The following CLVS1 variants were observed in gnomAD, a reference collection of about 807,000 sequenced individuals.
CLVS1 encodes clavesin-1.
In CLVS1, 10 loss-of-function variants were observed where a neutral mutation model predicts 33.1. The observed-to-expected ratio is 0.30, with a 90% CI of 0.19 to 0.51. CLVS1 has a LOEUF of 0.51. CLVS1 is among the 20% of genes least tolerant of loss of function. The pLI is 0.97. For synonymous variants in CLVS1, 163 were observed against 166.1 expected, an observed-to-expected ratio of 0.98 and a Z score of 0.14; for missense variants, 343 against 433.4, an observed-to-expected ratio of 0.79 and a Z score of 1.85.
At chr8:61,095,549 A>G (rs968264027) in intron 1 of CLVS1, among the ~76,000 whole-genome samples, 2 of 152,140 alleles carry the variant, frequency 1.3e-5, no homozygotes, top group Non-Finnish European at 2.9e-5. Flanking sequence ...TTCTTGGCCA[A>G]CCCCAGGTAG....
the CLVS1 span, among the ~76,000 whole-genome samples, chr8:61,032,399 T>A: frequency 1.3e-5 from 2 of 152,250 alleles, no homozygotes; most frequent in African/African-American, 4.8e-5. Context: ...CACTTCGCTA[T>A]GGTTTTGCTG....
rs955422739 is a variant in CLVS1 at position 61,445,607 on chromosome 8, CT to C, written c.631-8526del. Among the ~76,000 whole-genome samples, 116 of 152,096 alleles carry C rather than the reference CT, an allele frequency of 7.6e-4. 1 individual carries two copies. The highest frequency in any genetic ancestry group is 2.5e-3 in the African/African-American group (105 of 41,492). On this transcript the variant is annotated intron_variant, in intron 3 of 5. Transcript: ENST00000325897. ...CAGAACCATCAGCCAAATAAACCTCCTTTTTTTTATAATTTGTTTGATCTCA... is the reference window on the plus strand; with the variant it reads ...CAGAACCATCAGCCAAATAAACCTCCTTTTTTTATAATTTGTTTGATCTCA...
At chr8:61,462,479 C>T (rs142485675) in intron 5 of CLVS1, among the ~76,000 whole-genome samples, 6 of 152,156 alleles carry the variant, frequency 3.9e-5, no homozygotes, top group East Asian at 1.9e-4. Flanking sequence ...CTGCCTCCCA[C>T]GTTCAAGCAA....
At chr8:61,032,364 G>C in the CLVS1 span, among the ~76,000 whole-genome samples, 9 of 152,222 alleles carry the variant, frequency 5.9e-5, no homozygotes, top group Non-Finnish European at 1.3e-4. Flanking sequence ...CTACAAGGCA[G>C]AGAATGGACA....
intron 2 of CLVS1, among the ~76,000 whole-genome samples, chr8:61,366,393 C>T (rs1813210592): frequency 1.3e-5 from 2 of 152,206 alleles, no homozygotes; most frequent in Non-Finnish European, 2.9e-5. Flanking sequence ...ACTACATTAA[C>T]CTTATGTGAA....
At chr8:60,999,019 A>G in the CLVS1 span, among the ~76,000 whole-genome samples, 2 of 152,128 alleles carry the variant, frequency 1.3e-5, no homozygotes, top group African/African-American at 4.8e-5. Context: ...CAGTCCTGCC[A>G]TTGAGGGCCA....
chr8:61,399,171 G>A (rs761931960), intron 3 of CLVS1, among the ~76,000 whole-genome samples: 3 of 152,186 alleles, frequency 2.0e-5, no homozygotes, highest in Non-Finnish European at 4.4e-5. Context: ...CCCACTAACA[G>A]TGTAAAAGTG....
At chr8:61,015,001 G>A in the CLVS1 span, among the ~76,000 whole-genome samples, 1 of 152,224 alleles carries the variant, frequency 6.6e-6, no homozygotes. Context: ...AAGGCCAATG[G>A]CCACAATGAC....
chr8:61,306,529 T>A (rs1237184818), intron 2 of CLVS1, among the ~76,000 whole-genome samples: 2 of 152,236 alleles, frequency 1.3e-5, no homozygotes, highest in Non-Finnish European at 2.9e-5. Context: ...GTATACCACA[T>A]TGTCTTTACC....
At chr8:61,200,670 C>G (rs1807708968) in intron 2 of CLVS1, among the ~76,000 whole-genome samples, 1 of 152,110 alleles carries the variant, frequency 6.6e-6, no homozygotes, top group Admixed American at 6.5e-5. Context: ...CCTTATTGCC[C>G]TTCAGAAAGA....
chr8:61,076,737 G>A (rs931049544), intron 1 of CLVS1, among the ~76,000 whole-genome samples: 2 of 152,148 alleles, frequency 1.3e-5, no homozygotes, highest in African/African-American at 4.8e-5. Context: ...TGTTTGGGTG[G>A]CTATTTGTCA....
At chr8:61,036,397 G>A in the CLVS1 span, among the ~76,000 whole-genome samples, 5 of 152,208 alleles carry the variant, frequency 3.3e-5, no homozygotes, top group South Asian at 8.3e-4. Context: ...AGGTGGGGCA[G>A]CAACCTGGGA....
chr8:61,175,758 G>A (rs990637597), intron 2 of CLVS1, among the ~76,000 whole-genome samples: 1 of 152,160 alleles, frequency 6.6e-6, no homozygotes, highest in African/African-American at 2.4e-5. Flanking sequence ...GACCCTAAGA[G>A]GGAACATGGC....
the CLVS1 span, among the ~76,000 whole-genome samples, chr8:61,004,689 G>A: frequency 2.0e-5 from 3 of 152,298 alleles, no homozygotes; most frequent in East Asian, 5.8e-4. Flanking sequence ...TGGGGCCTGC[G>A]CGGGCCTGGA....
chr8:61,041,461 T>C, the CLVS1 span, among the ~76,000 whole-genome samples: 1 of 152,332 alleles, frequency 6.6e-6, no homozygotes, highest in Non-Finnish European at 1.5e-5. Context: ...CAATCCATGA[T>C]CATGGAATGT....
At chr8:61,234,160 G>A (rs549511902) in intron 2 of CLVS1, among the ~76,000 whole-genome samples, 14 of 152,260 alleles carry the variant, frequency 9.2e-5, no homozygotes, top group Non-Finnish European at 2.1e-4. Context: ...GACCACCGGC[G>A]TTAGGGGGTA....
chr8:61,499,596 C>A lies in CLVS1; in HGVS notation c.*54C>A. 1.5e-6 allele frequency: 2 copies of A among 1,364,968 alleles called. No individual in the cohort carries two copies. Among genetic ancestry groups the A allele is most frequent in the South Asian group, 1.2e-5 (1 of 85,638 alleles). The allele number at this position is 1,364,968 out of a possible 1,614,324, so 84.6% of individuals were successfully genotyped here. A position where few individuals can be genotyped will look rare whatever the true frequency, so the allele number is the denominator to read the frequency against. ...ACTGGCCTTCAGTGGTATCAGCCACCCAGGAAGCACATGCACAACTGACCC... is the reference window on the plus strand; with the variant it reads ...ACTGGCCTTCAGTGGTATCAGCCACACAGGAAGCACATGCACAACTGACCC... On this transcript the variant is annotated 3_prime_UTR_variant, in exon 6 of 6. Transcript: ENST00000325897.
chr8:61,238,837 G>T (rs560548482), intron 2 of CLVS1, among the ~76,000 whole-genome samples: 1 of 152,160 alleles, frequency 6.6e-6, no homozygotes, highest in Admixed American at 6.5e-5. Flanking sequence ...TCACTCTAAT[G>T]GATATCTTTA....
At chr8:61,384,684 T>G (rs1490916662) in intron 3 of CLVS1, among the ~76,000 whole-genome samples, 1 of 152,208 alleles carries the variant, frequency 6.6e-6, no homozygotes, top group African/African-American at 2.4e-5. Flanking sequence ...CTTCATCATT[T>G]ACCTTAAATC....
Sources: gnomAD v4.1 joint callset for allele counts (sites outside exome capture counted in the v4.1 genomes callset) on GRCh38, gnomAD v4.1.1 for gene constraint, MANE v1.5 for transcripts, NCBI Gene and HGNC (gene_info 2026-07-23, HGNC 2026-07-21) for gene names.